Variants in KAZN observed in about 807,000 individuals in gnomAD.
KAZN encodes kazrin.
In KAZN, 40 loss-of-function variants were observed where a neutral mutation model predicts 87.4. That is an observed-to-expected ratio of 0.46 (90% CI 0.36 to 0.60). The LOEUF (loss-of-function observed/expected upper bound fraction) is 0.60. Ranked by LOEUF, KAZN falls within the 20% of genes least tolerant of loss-of-function variation. The probability of loss-of-function intolerance (pLI) is 0.00; values close to 1 mark genes in which losing one functional copy is unlikely to be tolerated. For synonymous variants in KAZN, 466 were observed against 458.3 expected (o/e 1.02, Z -0.22); for missense variants, 898 against 1,073.9 (o/e 0.84, Z 2.29).
At chr1:15,006,119 T>C (rs1557708545) in intron 2 of KAZN, among the ~76,000 whole-genome samples, 1 of 152,202 alleles carries the variant, frequency 6.6e-6, no homozygotes, top group African/African-American at 2.4e-5. Context: ...ACCCACTCAC[T>C]GGCCAGCCCA....
intron 1 of KAZN, among the ~76,000 whole-genome samples, chr1:14,793,902 G>T (rs150062352): frequency 6.6e-6 from 1 of 152,150 alleles, no homozygotes; most frequent in Admixed American, 6.5e-5. Context: ...TCCCCAGGCC[G>T]TGCCCTCGCC....
At chr1:14,314,251 T>C (rs1051233067) in intron 2 of KAZN, among the ~76,000 whole-genome samples, 1 of 152,190 alleles carries the variant, frequency 6.6e-6, no homozygotes, top group Non-Finnish European at 1.5e-5. Flanking sequence ...TTTGACCTGA[T>C]CTTGCAACAC....
rs139190020 is a variant in KAZN, at chr1:14,791,971, C to T, written c.227-168713C>T. 3.9e-5 allele frequency among the ~76,000 whole-genome samples: 6 copies of T among 152,320 alleles called. No individual in the cohort carries two copies. In the East Asian group the frequency reaches 5.8e-4, roughly 15 times the overall value. On this transcript the variant is annotated intron_variant, in intron 1 of 14. Coordinates refer to ENST00000376030, the MANE Select transcript of KAZN (RefSeq NM_201628.3). ...GCCGGGGTGACCTCGGTCAATGCTG[C>T]GGGGACTTCAGTTGGCACCACTGTG...
chr1:14,946,402 A>G (rs1452111687), intron 1 of KAZN, among the ~76,000 whole-genome samples: 1 of 149,720 alleles, frequency 6.7e-6, no homozygotes, highest in Non-Finnish European at 1.5e-5. Flanking sequence ...CAGTGGCACA[A>G]TCTCAGCTCA....
At chr1:14,924,612 C>T in intron 1 of KAZN, 2 of 995,166 alleles carry the variant, frequency 2.0e-6, no homozygotes, top group South Asian at 4.5e-5. Context: ...GCGGCGCGGA[C>T]ACAGGCCCAG....
chr1:14,798,720 C>A (rs1645910916), intron 1 of KAZN, among the ~76,000 whole-genome samples: 1 of 151,674 alleles, frequency 6.6e-6, no homozygotes, highest in Non-Finnish European at 1.5e-5. Flanking sequence ...AGGCGTGAGC[C>A]ACCACGCCCG....
chr1:14,139,768 G>A (rs1007023685), intron 1 of KAZN, among the ~76,000 whole-genome samples: 1 of 152,206 alleles, frequency 6.6e-6, no homozygotes, highest in African/African-American at 2.4e-5. Context: ...TCCCTATTTG[G>A]CATCAGCCAT....
intron 2 of KAZN, among the ~76,000 whole-genome samples, chr1:14,445,311 C>T (rs1045489853): frequency 6.8e-4 from 103 of 152,138 alleles, no homozygotes; most frequent in African/African-American, 2.5e-3. Flanking sequence ...CAGGCATGAG[C>T]CACTGCACCC....
intron 1 of KAZN, among the ~76,000 whole-genome samples, chr1:14,710,018 G>A (rs151293029): frequency 6.0e-4 from 91 of 152,194 alleles, no homozygotes; most frequent in African/African-American, 2.0e-3. Context: ...GTCATACGCC[G>A]TCACATAATT....
intron 2 of KAZN, among the ~76,000 whole-genome samples, chr1:14,324,349 A>T (rs1277213372): frequency 1.3e-5 from 2 of 152,142 alleles, no homozygotes. Flanking sequence ...TGTCCCTAGA[A>T]TCTCAACGTC....
At chr1:13,961,183 G>A (rs541794769) in intron 1 of KAZN, among the ~76,000 whole-genome samples, 2 of 152,008 alleles carry the variant, frequency 1.3e-5, no homozygotes, top group African/African-American at 4.8e-5. Flanking sequence ...CCTGGGGTTC[G>A]CGTGTGTGTG....
At chr1:14,019,494 G>A (rs1640726233) in intron 1 of KAZN, among the ~76,000 whole-genome samples, 2 of 152,156 alleles carry the variant, frequency 1.3e-5, no homozygotes, top group Admixed American at 6.5e-5. Context: ...TTGCCCAGAA[G>A]CTTCTATATA....
intron 2 of KAZN, among the ~76,000 whole-genome samples, chr1:14,275,980 A>G (rs1652313562): frequency 6.6e-6 from 1 of 152,138 alleles, no homozygotes; most frequent in South Asian, 2.1e-4. Flanking sequence ...ACATTTCCAG[A>G]CTGCTTTGTG....
Position 14,022,063 on chromosome 1 carries a change from C to T in KAZN, c.91+128307C>T, listed in dbSNP as rs569864214. Among the ~76,000 whole-genome samples, 72 of 148,192 alleles carry T rather than the reference C, an allele frequency of 4.9e-4. No individual in the cohort carries two copies. In the South Asian group the frequency reaches 0.013, roughly 26 times the overall value. ...GTCAGCCGGATTACCCATGCCGTCC[C>T]GGGTAAATAAAGAATGACAATTGAT... On this transcript the variant is annotated intron_variant, in intron 1 of 16. Transcript: ENST00000636203.
At chr1:14,035,073 C>T (rs1641491861) in intron 1 of KAZN, among the ~76,000 whole-genome samples, 1 of 152,140 alleles carries the variant, frequency 6.6e-6, no homozygotes, top group South Asian at 2.1e-4. Context: ...CACAAAACAG[C>T]AAAAGAAGGT....
intron 1 of KAZN, among the ~76,000 whole-genome samples, chr1:14,863,313 G>A (rs779395549): frequency 3.3e-5 from 5 of 152,172 alleles, no homozygotes; most frequent in Non-Finnish European, 5.9e-5. Flanking sequence ...TTTATCCTTC[G>A]GTGTGACAGG....
intron 8 of KAZN, among the ~76,000 whole-genome samples, chr1:15,082,652 T>A (rs1640062192): frequency 6.6e-6 from 1 of 152,146 alleles, no homozygotes. Context: ...CATAGGAGAA[T>A]TTACAAGGCC....
At chr1:14,319,201 G>A (rs1035608098) in intron 2 of KAZN, among the ~76,000 whole-genome samples, 4 of 151,858 alleles carry the variant, frequency 2.6e-5, no homozygotes, top group African/African-American at 4.8e-5. Context: ...GTTCTGGGGG[G>A]TGGCAGTTAA....
intron 1 of KAZN, among the ~76,000 whole-genome samples, chr1:14,721,908 C>T (rs1440210018): frequency 6.6e-6 from 1 of 152,152 alleles, no homozygotes; most frequent in Non-Finnish European, 1.5e-5. Flanking sequence ...GATCCCAGCA[C>T]TTTGGGAGGC....
Sources: allele counts gnomAD v4.1 joint callset (sites outside exome capture counted in the v4.1 genomes callset), GRCh38; gene constraint gnomAD v4.1.1; transcripts MANE v1.5; gene names NCBI Gene and HGNC (gene_info 2026-07-23, HGNC 2026-07-21).